ABCA13: variants seen among roughly 807,000 people sequenced by gnomAD.
ABCA13 encodes the protein ATP binding cassette subfamily A member 13.
In ABCA13, 476 loss-of-function variants were observed where a neutral mutation model predicts 478.7. The ratio of observed to expected loss-of-function variants is 0.99; its 90% CI spans 0.92 to 1.07. The LOEUF (loss-of-function observed/expected upper bound fraction) is 1.07. Among genes scored for constraint, ABCA13 ranks in the 50% least tolerant of loss-of-function variants. The pLI, the probability that ABCA13 is intolerant of heterozygous loss-of-function variation, is 0.00. For missense variants in ABCA13, 6,060 were observed against 5,910.6 expected, an observed-to-expected ratio of 1.03 and a Z score of -0.83; for synonymous variants, 2,252 against 2,158.9, an observed-to-expected ratio of 1.04 and a Z score of -1.20.
In ABCA13 at chr7:48,309,739, T is replaced by C. The variant is rs193269082; in HGVS notation, c.9322-208T>C. Among the ~76,000 whole-genome samples, 346 of 152,144 alleles carry C rather than the reference T, an allele frequency of 2.3e-3. 1 individual carries two copies. Among genetic ancestry groups the C allele is most frequent in the African/African-American group, 8.0e-3 (331 of 41,500 alleles). ...AAGCGAGGGCAAATTTTATAAGAAGTCAGAGAATGATGTGCGCACTTCAGA... is the reference window on the plus strand; with the variant it reads ...AAGCGAGGGCAAATTTTATAAGAAGCCAGAGAATGATGTGCGCACTTCAGA... On this transcript the variant is annotated intron_variant, in intron 23 of 61. Coordinates refer to ENST00000435803, the MANE Select transcript of ABCA13 (RefSeq NM_152701.5).
intron 55 of ABCA13, among the ~76,000 whole-genome samples, chr7:48,576,706 G>A (rs1788222899): frequency 6.6e-6 from 1 of 151,980 alleles, no homozygotes; most frequent in South Asian, 2.1e-4. Context: ...TATTTAAGAT[G>A]GAATCTCTAG....
intron 27 of ABCA13, among the ~76,000 whole-genome samples, chr7:48,325,493 T>C (rs901278861): frequency 6.6e-6 from 1 of 152,158 alleles, no homozygotes; most frequent in Non-Finnish European, 1.5e-5. Context: ...CTTAAAACTG[T>C]AGCTTTTGGT....
At chr7:48,503,149 C>T (rs1585620120) in intron 48 of ABCA13, among the ~76,000 whole-genome samples, 2 of 152,286 alleles carry the variant, frequency 1.3e-5, no homozygotes, top group East Asian at 3.9e-4. Context: ...TGCAGTGGCG[C>T]AATCATGGTT....
At position 48,639,535 on chromosome 7, in the gene ABCA13, C is replaced by T. The variant is rs548383124; in HGVS notation, c.14838-3753C>T. 1.2e-3 allele frequency among the ~76,000 whole-genome samples: 180 copies of T among 152,290 alleles called. 1 individual carries two copies. The highest frequency in any genetic ancestry group is 2.7e-3 in the Admixed American group (42 of 15,288). On this transcript the variant is annotated intron_variant, in intron 59 of 61. Transcript: ENST00000435803. ...TGAGACCACGGGAGGCCTGGTCCCC[C>T]TCCGCTCTCTGCTCTTGCCCTGTGG...
Position 48,403,722 on chromosome 7 carries a change from AC to A in ABCA13, c.11914del (p.Gln3972ArgfsTer9). 6.2e-7 allele frequency: 1 copy of A among 1,613,994 alleles called. No individual in the cohort carries two copies. The highest frequency in any genetic ancestry group is 1.1e-5 in the South Asian group (1 of 91,082). ...TGGACTTAACTCAGCATCAGCACAA[AC>A]AGACCCGAGCTCTGTCTGGAGGCCT... is the stretch of plus-strand genomic sequence containing the variant. Reference protein sequence around the residue: ...DVDLTQHQHKQTRALSGGLKR... With the variant: ...DVDLTQHQHKXTRALSGGLKR... On this transcript the variant is annotated frameshift_variant, in exon 39 of 62. Coordinates refer to ENST00000435803, the MANE Select transcript of ABCA13 (RefSeq NM_152701.5). LOFTEE classifies it high-confidence loss of function.
intron 15 of ABCA13, among the ~76,000 whole-genome samples, chr7:48,254,667 A>G (rs1793119360): frequency 6.6e-6 from 1 of 152,154 alleles, no homozygotes. Context: ...GTGGAGGCAT[A>G]TCGCTTTAAT....
chr7:48,597,363 A>G (rs1341334452), intron 58 of ABCA13, among the ~76,000 whole-genome samples: 3 of 152,196 alleles, frequency 2.0e-5, no homozygotes, highest in Admixed American at 6.5e-5. Context: ...TCCATTCACC[A>G]GTTGATAAGC....
intron 3 of ABCA13, among the ~76,000 whole-genome samples, chr7:48,200,987 A>C (rs1422242182): frequency 7.1e-6 from 1 of 140,082 alleles, no homozygotes; most frequent in Non-Finnish European, 1.6e-5. Context: ...AAGGAAATAG[A>C]AAGAGAATAA....
In ABCA13 at chr7:48,647,174, T is replaced by C. The variant is rs939493114; in HGVS notation, c.*1662T>C. On this transcript the variant is annotated 3_prime_UTR_variant, in exon 62 of 62. Transcript: ENST00000435803. The stretch of plus-strand genomic sequence containing the variant: ...GGCATATACTTCCTTATGAGATTTC[T>C]TTACTAAAGCAAGATTTCATTAAAT... 2 of 152,226 alleles carry C rather than the reference T, an allele frequency of 1.3e-5. No individual in the cohort carries two copies. The highest frequency in any genetic ancestry group is 2.4e-5 in the African/African-American group (1 of 41,454). The allele number at this position is 152,226 out of a possible 1,614,324, so 9.4% of individuals were successfully genotyped here.
intron 35 of ABCA13, among the ~76,000 whole-genome samples, chr7:48,377,385 C>G (rs1333284223): frequency 6.6e-6 from 1 of 152,020 alleles, no homozygotes; most frequent in Non-Finnish European, 1.5e-5. Context: ...TACTTGGCAA[C>G]TCTGGTTCTA....
chr7:48,639,901 T>C (rs976558273), intron 59 of ABCA13, among the ~76,000 whole-genome samples: 3 of 152,190 alleles, frequency 2.0e-5, no homozygotes, highest in Non-Finnish European at 4.4e-5. Flanking sequence ...TTTAATTCTC[T>C]TAGAAGCCAT....
rs368888688 is a variant in ABCA13, at chr7:48,354,136, C to T, written c.10688+1649C>T. 5.3e-5 allele frequency among the ~76,000 whole-genome samples: 8 copies of T among 151,902 alleles called. No individual in the cohort carries two copies. In the East Asian group the frequency reaches 7.7e-4, roughly 15 times the overall value. On this transcript the variant is annotated intron_variant, in intron 31 of 61. Transcript: ENST00000435803. ...ATCTGTGTTAGATACTGGGAGAAGC[C>T]GAAGTTTTATTATGCTCATTTTCTA...
intron 26 of ABCA13, 22 bp downstream of exon 26, chr7:48,314,431 T>C: frequency 6.6e-7 from 1 of 1,515,278 alleles, no homozygotes; most frequent in Non-Finnish European, 8.9e-7. Context: ...GTAATATATA[T>C]ATATGTGTTT....
At chr7:48,328,195 A>T (rs1402033419) in intron 27 of ABCA13, among the ~76,000 whole-genome samples, 1 of 152,194 alleles carries the variant, frequency 6.6e-6, no homozygotes, top group Non-Finnish European at 1.5e-5. Context: ...GGCTCTGCAC[A>T]TATGTGGGGC....
In ABCA13 at chr7:48,281,389, G is replaced by A; in HGVS notation, c.8773G>A (p.Glu2925Lys). The change falls in exon 19 of 62, where the codon GAA becomes AAA. Residue 2925 changes from glutamate to lysine, a missense_variant. Physicochemically the swap from Glu to Lys is moderately conservative, Grantham distance 56 (BLOSUM62 1). Transcript: ENST00000435803. ...EVFQQTVKPSEAMEMLQKVKM... is the reference protein window; with the variant it reads ...EVFQQTVKPSKAMEMLQKVKM... ...TTTCCAGCAGACTGTGAAGCCCTCAGAAGCCATGGAGATGCTGCAGAAAGT... is the reference window on the plus strand; with the variant it reads ...TTTCCAGCAGACTGTGAAGCCCTCAAAAGCCATGGAGATGCTGCAGAAAGT... 6.2e-7 allele frequency: 1 copy of A among 1,609,810 alleles called. No individual in the cohort carries two copies. Among genetic ancestry groups the A allele is most frequent in the Non-Finnish European group, 8.5e-7 (1 of 1,178,132 alleles).
intron 55 of ABCA13, among the ~76,000 whole-genome samples, chr7:48,575,939 A>G (rs114326773): frequency 0.01 from 1,535 of 152,242 alleles, 31 homozygotes; most frequent in African/African-American, 0.035. Flanking sequence ...CTGTGCCACA[A>G]AATATTCAGA....
intron 58 of ABCA13, among the ~76,000 whole-genome samples, chr7:48,607,144 G>T (rs538547330): frequency 1.1e-4 from 17 of 152,010 alleles, no homozygotes; most frequent in Non-Finnish European, 2.1e-4. Flanking sequence ...GCTGGGCTCT[G>T]TGGGGGTGGG....
intron 15 of ABCA13, among the ~76,000 whole-genome samples, chr7:48,255,313 T>C (rs1016696475): frequency 1.3e-5 from 2 of 152,136 alleles, no homozygotes; most frequent in Non-Finnish European, 2.9e-5. Flanking sequence ...AGCCATGTGA[T>C]TTGGTGGCAA....
intron 55 of ABCA13, among the ~76,000 whole-genome samples, chr7:48,560,527 TTTTGTGTG>T: frequency 6.6e-6 from 1 of 152,320 alleles, no homozygotes; most frequent in South Asian, 2.1e-4. Flanking sequence ...ATGGTGCTTT[TTTTGTGTG>T]TAGTTAGTTG....
Sources: gnomAD v4.1 joint callset for allele counts (sites outside exome capture counted in the v4.1 genomes callset) on GRCh38, gnomAD v4.1.1 for gene constraint, MANE v1.5 for transcripts, NCBI Gene and HGNC (gene_info 2026-07-23, HGNC 2026-07-21) for gene names.